CFAP74: variants seen among roughly 807,000 people sequenced by gnomAD.
CFAP74 encodes the protein cilia and flagella associated protein 74.
CFAP74 carries 124 observed loss-of-function variants against 188.9 expected under a neutral mutation model. The observed-to-expected ratio is 0.66, with a 90% CI of 0.57 to 0.76. CFAP74 has a LOEUF of 0.76. CFAP74 is among the 30% of genes least tolerant of loss of function. The pLI is 0.00. For synonymous variants in CFAP74, 956 were observed against 916.7 expected, an observed-to-expected ratio of 1.04 and a Z score of -0.77; for missense variants, 2,198 against 2,165.2, an observed-to-expected ratio of 1.02 and a Z score of -0.30.
chr1:1,941,329 G>A (rs1394247317), intron 22 of CFAP74, among the ~76,000 whole-genome samples: 3 of 152,182 alleles, frequency 2.0e-5, no homozygotes, highest in East Asian at 3.9e-4. Context: ...TCTGGACCTT[G>A]GTCCCGGCCC....
Position 1,973,427 on chromosome 1 carries a change from C to T in CFAP74, c.675-380G>A, listed in dbSNP as rs1437345599. ...CCACAGGGGTTTGTGGCCTGGGCAG[C>T]TGAAGGGAAGGAATGAGATGGGGGA... On this transcript the variant is annotated intron_variant, in intron 7 of 38. Transcript: ENST00000682832. The surrounding 1 kb of genome is among the most constrained non-coding windows in gnomAD (Gnocchi z 6.2). 6.6e-6 allele frequency among the ~76,000 whole-genome samples: 1 copy of T among 151,872 alleles called. No homozygotes were observed. The highest frequency in any genetic ancestry group is 1.5e-5 in the Non-Finnish European group (1 of 67,986).
Position 1,945,005 on chromosome 1 carries a change from T to G in CFAP74, c.2365-553A>C, listed in dbSNP as rs144363201. On this transcript the variant is annotated intron_variant, in intron 20 of 38. Transcript: ENST00000682832. ...AGCTTCATACTCATTAACATTTAGGTGTTTAAAAAAACCTTTCTATGGCCG... is the reference window on the plus strand; with the variant it reads ...AGCTTCATACTCATTAACATTTAGGGGTTTAAAAAAACCTTTCTATGGCCG... Among the ~76,000 whole-genome samples the G allele has an allele frequency of 1.7e-3, 253 of 152,322 alleles. 2 individuals carry two copies. Among genetic ancestry groups the G allele is most frequent in the East Asian group, 0.016 (83 of 5,182 alleles).
At chr1:1,959,914 C>G (rs1218457374) in intron 15 of CFAP74, 50 bp downstream of exon 15, 1 of 1,494,704 alleles carries the variant, frequency 6.7e-7, no homozygotes, top group Admixed American at 2.2e-5. Context: ...ATCACAGGCT[C>G]CACCCACCAC....
intron 25 of CFAP74, among the ~76,000 whole-genome samples, chr1:1,936,140 C>G (rs374553636): frequency 8.6e-5 from 13 of 150,488 alleles, no homozygotes; most frequent in Admixed American, 2.6e-4. Context: ...TCGCTTGAAC[C>G]TGGGAGGCAG....
chr1:1,950,808 T>C (rs914165196), intron 18 of CFAP74, among the ~76,000 whole-genome samples: 1 of 152,220 alleles, frequency 6.6e-6, no homozygotes, highest in Non-Finnish European at 1.5e-5. Flanking sequence ...TTCTTGGTTT[T>C]GGCGAAGTCC....
intron 1 of CFAP74, among the ~76,000 whole-genome samples, chr1:1,996,638 TG>T (rs1019344528): frequency 3.3e-5 from 5 of 152,122 alleles, no homozygotes; most frequent in African/African-American, 1.2e-4. Flanking sequence ...CCTGAAATAC[TG>T]GCCGGGTGCG....
rs1426022030 is a variant in CFAP74, at chr1:1,927,383, C to T, written c.3527+224G>A. 7 of 587,484 alleles carry T rather than the reference C, an allele frequency of 1.2e-5. No homozygotes were observed. The East Asian group carries it at 2.0e-4, about 17-fold the overall frequency. 36.4% of individuals were successfully genotyped at this position (587,484 alleles called of 1,614,324 possible). ...TGGGGGGTGGTGGCTTTGCTCCCCA[C>T]CCGTGGATTGAGGCTGTGTGCAGGG... On this transcript the variant is annotated intron_variant, in intron 28 of 38. Transcript: ENST00000682832.
chr1:1,923,193 G>A lies in CFAP74; in HGVS notation c.4523-48C>T, dbSNP rs779807701. ...GCTGTTCAGGGTCAGGCTGAGGCAT[G>A]GGGTGAGGCTGCAGCTGGACTCCTG... On this transcript the variant is annotated intron_variant, in intron 36 of 38. Transcript: ENST00000682832. The surrounding 1 kb of genome is among the most constrained non-coding windows in gnomAD (Gnocchi z 6.3). 1 of 1,555,786 alleles carries A rather than the reference G, an allele frequency of 6.4e-7. No individual in the cohort carries two copies. The highest frequency in any genetic ancestry group is 8.7e-7 in the Non-Finnish European group (1 of 1,152,578).
At chr1:1,939,128 G>A (rs1355158166) in intron 24 of CFAP74, 140 bp from the exon 25 acceptor site, 2 of 906,870 alleles carry the variant, frequency 2.2e-6, no homozygotes, top group Admixed American at 2.4e-5. Flanking sequence ...CGCTGTCAAC[G>A]AGTGTGTGTC....
At chr1:1,955,914 C>T (rs1570907154) in intron 17 of CFAP74, 64 bp from the exon 18 acceptor site, 42 of 1,544,688 alleles carry the variant, frequency 2.7e-5, no homozygotes, top group East Asian at 1.1e-4. Context: ...AGTCAGCTGC[C>T]GGAACTCCCA....
At chr1:1,989,087 C>T (rs931909611) in intron 2 of CFAP74, 114 bp from the exon 3 acceptor site, 17 of 489,972 alleles carry the variant, frequency 3.5e-5, no homozygotes, top group Middle Eastern at 4.6e-4. Flanking sequence ...GAACCTGCTG[C>T]ACTGCAGCCA....
rs1162109367 is a variant in CFAP74 at position 1,966,628 on chromosome 1, C to T, written c.1246-102G>A. The T allele has an allele frequency of 2.9e-5, 32 of 1,119,884 alleles. No individual in the cohort carries two copies. The East Asian group carries it at 7.2e-4, about 25-fold the overall frequency. The allele number at this position is 1,119,884 out of a possible 1,614,324, so 69.4% of individuals were successfully genotyped here. A position where few individuals can be genotyped will look rare whatever the true frequency, so the allele number is the denominator to read the frequency against. ...GCCGGTATGGCCCGCTGCCTGCCCC[C>T]GTTCTTCTGCCTCACGTACTCTGCA... On this transcript the variant is annotated intron_variant, in intron 11 of 38. Coordinates refer to ENST00000682832, the MANE Select transcript of CFAP74 (RefSeq NM_001304360.2).
At chr1:1,955,634 C>G (rs1388285829) in intron 18 of CFAP74, 57 bp downstream of exon 18, 3 of 1,611,984 alleles carry the variant, frequency 1.9e-6, no homozygotes, top group Non-Finnish European at 2.5e-6. Context: ...CCCTGGAATG[C>G]TGCCCTGAGG....
rs143449363 is a variant in CFAP74 at position 1,922,598 on chromosome 1, C to T, written c.4809G>A (p.Ala1603=). ...GCCCAAAGGCACCTACATCAAAGTCCGCAGGTGGCACCCAGGAGATGCTGA... is the reference window on the plus strand; with the variant it reads ...GCCCAAAGGCACCTACATCAAAGTCTGCAGGTGGCACCCAGGAGATGCTGA... ...KTISISWVPP[A]DFDPDHPLMV... is the part of the protein sequence containing the mutation. Residue 1603 remains alanine, a synonymous_variant, in exon 38 of 39, where the codon GCG becomes GCA. Coordinates refer to ENST00000682832, the MANE Select transcript of CFAP74 (RefSeq NM_001304360.2). 2.9e-4 allele frequency: 460 copies of T among 1,608,186 alleles called. No individual in the cohort carries two copies. The highest frequency in any genetic ancestry group is 3.2e-4 in the Non-Finnish European group (381 of 1,177,578).
intron 6 of CFAP74, among the ~76,000 whole-genome samples, chr1:1,974,585 G>T (rs375654814): frequency 2.6e-5 from 4 of 152,052 alleles, no homozygotes; most frequent in African/African-American, 9.6e-5. Flanking sequence ...CAAATTGACC[G>T]GCACCCAAGA....
At position 1,927,685 on chromosome 1, in the gene CFAP74, C is replaced by T. The variant is rs573626470; in HGVS notation, c.3449G>A (p.Arg1150Gln). The change falls in exon 28 of 39, where the codon CGA (arginine) becomes CAA (glutamine). Residue 1150 changes from arginine (R) to glutamine (Q), a missense_variant. By Grantham distance (43) the Arg-to-Gln change is conservative. Transcript: ENST00000682832. ...DLHGLSFSVL[R>Q]AQNRDKLFKV... ...GAACAGCTTGTCGCGGTTCTGTGCT[C>T]GAAGAACGGAGAATGACAGTCCATG... 7.6e-5 allele frequency: 118 copies of T among 1,550,156 alleles called. 2 individuals are homozygous for T. Among genetic ancestry groups the T allele is most frequent in the South Asian group, 4.6e-4 (39 of 84,056 alleles).
chr1:1,938,978 A>G lies in CFAP74; in HGVS notation c.2888T>C (p.Val963Ala). The change falls in exon 25 of 39, where the codon GTC (valine) becomes GCC (alanine). Residue 963 changes from valine to alanine, a missense_variant. Transcript: ENST00000682832. ...CGTCCCAAACCCATCGTTGGGTTGG[A>G]CGTCCACAAACTGGAAATAGAAGAG... is the stretch of plus-strand genomic sequence containing the variant. ...GFVRLPKFVD[V>A]QPNDGFGTIL... 1 of 1,535,982 alleles carries G rather than the reference A, an allele frequency of 6.5e-7. No homozygotes were observed. Among genetic ancestry groups the G allele is most frequent in the Non-Finnish European group, 8.7e-7 (1 of 1,146,768 alleles).
chr1:1,935,187 T>G (rs1206864272), intron 25 of CFAP74, among the ~76,000 whole-genome samples: 1 of 75,054 alleles, frequency 1.3e-5, no homozygotes, highest in African/African-American at 5.1e-5. Context: ...GGGTGTTAGG[T>G]TGTGGGTACA....
At chr1:1,933,930 C>T (rs1403374256) in intron 25 of CFAP74, among the ~76,000 whole-genome samples, 4 of 152,204 alleles carry the variant, frequency 2.6e-5, no homozygotes, top group Non-Finnish European at 2.9e-5. Flanking sequence ...AAGCTTCCCA[C>T]GAGGTGCTGC....
Sources: gnomAD v4.1 joint callset for allele counts (sites outside exome capture counted in the v4.1 genomes callset) on GRCh38, gnomAD v4.1.1 for gene constraint, Gnocchi (gnomAD v3.1) non-coding constraint, MANE v1.5 for transcripts, NCBI Gene and HGNC (gene_info 2026-07-23, HGNC 2026-07-21) for gene names.